NCAM2: variants seen among roughly 807,000 people sequenced by gnomAD.
The protein encoded by NCAM2 is N-CAM-2.
A neutral mutation model predicts 98.1 loss-of-function variants in NCAM2; 30 were observed. The observed-to-expected ratio is 0.31, with a 90% CI of 0.23 to 0.41. The LOEUF (loss-of-function observed/expected upper bound fraction) is 0.41. NCAM2 is among the 10% of genes least tolerant of loss of function. NCAM2 has a pLI of 1.00. For missense variants in NCAM2, 867 were observed against 1,005.8 expected, an observed-to-expected ratio of 0.86 and a Z score of 1.87; for synonymous variants, 368 against 342.4, an observed-to-expected ratio of 1.07 and a Z score of -0.83.
chr21:21,465,450 G>T (rs899445833), intron 12 of NCAM2, among the ~76,000 whole-genome samples: 1 of 151,518 alleles, frequency 6.6e-6, no homozygotes, highest in Non-Finnish European at 1.5e-5. Context: ...TAAATACCAT[G>T]ATCATAAATA....
At chr21:21,209,986 A>T (rs1385729690) in intron 1 of NCAM2, among the ~76,000 whole-genome samples, 1 of 152,180 alleles carries the variant, frequency 6.6e-6, no homozygotes, top group Non-Finnish European at 1.5e-5. Flanking sequence ...TTAGTATGGG[A>T]TTGGAAGGGC....
chr21:21,073,002 A>G (rs2065604828), intron 1 of NCAM2, among the ~76,000 whole-genome samples: 5 of 145,756 alleles, frequency 3.4e-5, no homozygotes, highest in Admixed American at 2.1e-4. Context: ...TCCAGTCCCT[A>G]TCTCCAGTGT....
chr21:21,322,696 A>T (rs1235769733), intron 5 of NCAM2, among the ~76,000 whole-genome samples: 1 of 152,166 alleles, frequency 6.6e-6, no homozygotes. Flanking sequence ...ACAAGCTGTG[A>T]CATGAATAGG....
At chr21:21,502,478 A>C (rs892369458) in intron 15 of NCAM2, among the ~76,000 whole-genome samples, 2 of 151,936 alleles carry the variant, frequency 1.3e-5, no homozygotes, top group African/African-American at 4.8e-5. Context: ...CCCCATGATT[A>C]GATATCACCA....
At chr21:21,346,274 TATAAG>T (rs2075186548) in intron 8 of NCAM2, among the ~76,000 whole-genome samples, 1 of 144,410 alleles carries the variant, frequency 6.9e-6, no homozygotes, top group Admixed American at 6.9e-5. Context: ...AAACAAAAAC[TATAAG>T]AAAAGACAAA....
intron 1 of NCAM2, among the ~76,000 whole-genome samples, chr21:21,215,858 A>G (rs113227179): frequency 2.0e-5 from 3 of 152,322 alleles, no homozygotes; most frequent in African/African-American, 7.2e-5. Context: ...AAGAAACAAT[A>G]TTGTTTAGCT....
At chr21:21,305,883 C>G (rs952259145) in intron 5 of NCAM2, among the ~76,000 whole-genome samples, 9 of 152,006 alleles carry the variant, frequency 5.9e-5, no homozygotes, top group African/African-American at 2.2e-4. Flanking sequence ...GTATTTAGTG[C>G]TGAATAATTC....
At chr21:21,247,276 G>A (rs1229290564) in intron 1 of NCAM2, among the ~76,000 whole-genome samples, 4 of 152,062 alleles carry the variant, frequency 2.6e-5, no homozygotes, top group East Asian at 3.9e-4. Context: ...TCGAGATCTC[G>A]CCACTGCACT....
intron 9 of NCAM2, among the ~76,000 whole-genome samples, chr21:21,384,879 T>G (rs559751925): frequency 6.6e-6 from 1 of 152,212 alleles, no homozygotes; most frequent in Admixed American, 6.5e-5. Flanking sequence ...TCACGAGATA[T>G]ATGTCTACAT....
At chr21:21,367,534 C>T (rs2075817370) in intron 8 of NCAM2, among the ~76,000 whole-genome samples, 2 of 151,776 alleles carry the variant, frequency 1.3e-5, no homozygotes, top group African/African-American at 4.8e-5. Flanking sequence ...AATAAACTGT[C>T]AATTAAATAG....
intron 1 of NCAM2, among the ~76,000 whole-genome samples, chr21:21,261,028 A>G (rs2071877135): frequency 6.6e-6 from 1 of 152,200 alleles, no homozygotes; most frequent in Admixed American, 6.6e-5. Flanking sequence ...CACAAATGTA[A>G]AACAAAAAAA....
At chr21:21,373,804 G>A (rs2075972712) in intron 8 of NCAM2, 59 bp from the exon 9 acceptor site, 1 of 1,391,062 alleles carries the variant, frequency 7.2e-7, no homozygotes, top group Non-Finnish European at 9.6e-7. Flanking sequence ...TATATGTTTG[G>A]TCACCATTTT....
chr21:21,093,833 C>T (rs375658750), intron 1 of NCAM2, among the ~76,000 whole-genome samples: 2 of 151,882 alleles, frequency 1.3e-5, no homozygotes, highest in Non-Finnish European at 2.9e-5. Flanking sequence ...AATTACTGCC[C>T]TTTTTTCCAG....
chr21:21,301,005 A>G (rs923615142), intron 5 of NCAM2, among the ~76,000 whole-genome samples: 1 of 152,052 alleles, frequency 6.6e-6, no homozygotes, highest in Non-Finnish European at 1.5e-5. Context: ...CGGAAAAATA[A>G]TCACCACGGA....
In NCAM2 at chr21:20,998,422, G is replaced by A; in HGVS notation, c.-142G>A. On this transcript the variant is annotated 5_prime_UTR_variant, in exon 1 of 18. Transcript: ENST00000400546. ...GAGCTTGCAGTCACTTTGCGAGGAG[G>A]AGCGCGCGGGCTGCGGGCGGCTGGG... 1 of 667,406 alleles carries A rather than the reference G, an allele frequency of 1.5e-6. No homozygotes were observed. Among genetic ancestry groups the A allele is most frequent in the Non-Finnish European group, 2.5e-6 (1 of 404,100 alleles). 41.3% of individuals were successfully genotyped at this position (667,406 alleles called of 1,614,324 possible). A position where few individuals can be genotyped will look rare whatever the true frequency, so the allele number is the denominator to read the frequency against.
chr21:21,501,536 A>C (rs1004246513), intron 15 of NCAM2, among the ~76,000 whole-genome samples: 2 of 151,626 alleles, frequency 1.3e-5, no homozygotes, highest in African/African-American at 4.8e-5. Context: ...ATTTTAGTAC[A>C]TTTTAGGCAA....
chr21:21,134,234 A>G (rs2066995879), intron 1 of NCAM2, among the ~76,000 whole-genome samples: 1 of 151,644 alleles, frequency 6.6e-6, no homozygotes. Context: ...ATGCCTGGCT[A>G]ATTTTTTTTG....
rs1035082770 is a variant in NCAM2 at position 21,013,072 on chromosome 21, C to G, written c.55+14454C>G. The stretch of plus-strand genomic sequence containing the variant: ...TTGAAATTAGGCCAATAAATTAACC[C>G]TACAATGGCCCCTAAATATTCAAGT... On this transcript the variant is annotated intron_variant, in intron 1 of 17. Transcript: ENST00000400546. Among the ~76,000 whole-genome samples, 16 of 152,210 alleles carry G rather than the reference C, an allele frequency of 1.1e-4. No individual in the cohort carries two copies. The East Asian group carries it at 2.3e-3, about 22-fold the overall frequency.
chr21:21,410,495 T>G (rs756345251), intron 10 of NCAM2, 34 bp downstream of exon 10: 1 of 1,225,974 alleles, frequency 8.2e-7, no homozygotes. Context: ...TAAATTGTAT[T>G]ATTTTAACAA....
Sources: gnomAD v4.1 joint callset for allele counts (sites outside exome capture counted in the v4.1 genomes callset) on GRCh38, gnomAD v4.1.1 for gene constraint, MANE v1.5 for transcripts, NCBI Gene and HGNC (gene_info 2026-07-23, HGNC 2026-07-21) for gene names.